The following RNF38 variants were observed in gnomAD, a reference collection of about 807,000 sequenced individuals.
The protein encoded by RNF38 is E3 ubiquitin-protein ligase RNF38.
RNF38 carries 15 observed loss-of-function variants against 67.2 expected under a neutral mutation model. The ratio of observed to expected loss-of-function variants is 0.22; its 90% CI spans 0.15 to 0.34. RNF38 has a LOEUF of 0.34. Among genes scored for constraint, RNF38 ranks in the 10% least tolerant of loss-of-function variants. RNF38 has a pLI of 1.00. For missense variants in RNF38, 524 were observed against 639.9 expected, an observed-to-expected ratio of 0.82 and a Z score of 1.95; for synonymous variants, 220 against 218.8, an observed-to-expected ratio of 1.01 and a Z score of -0.05.
At chr9:36,464,705 A>C (rs1839820074) in intron 1 of RNF38, among the ~76,000 whole-genome samples, 1 of 152,234 alleles carries the variant, frequency 6.6e-6, no homozygotes, top group Non-Finnish European at 1.5e-5. Flanking sequence ...CATACACTGT[A>C]TAGCTAAGAA....
intron 2 of RNF38, among the ~76,000 whole-genome samples, chr9:36,378,636 C>T (rs1564023581): frequency 6.6e-6 from 1 of 152,148 alleles, no homozygotes; most frequent in African/African-American, 2.4e-5. Context: ...GAGGCGAATG[C>T]TACAGATACT....
In RNF38 at chr9:36,369,928, G is replaced by A; in HGVS notation, c.361C>T (p.Pro121Ser). ...CTTCTTCCTCTCTGGCGCCTGACAG[G>A]AGGACTGTGATAAATATCAAAAAGA... is the stretch of plus-strand genomic sequence containing the variant. ...NTPARNRRSP[P>S]VRRQRGRRDR... is the part of the protein sequence containing the mutation. Residue 121 changes from proline (P) to serine (S), a missense_variant, in exon 4 of 12, where the codon CCT becomes TCT. Pro to Ser is a moderately conservative substitution (Grantham distance 74). Coordinates refer to ENST00000259605, the MANE Select transcript of RNF38 (RefSeq NM_022781.5). 1.9e-6 allele frequency: 3 copies of A among 1,611,576 alleles called. No individual in the cohort carries two copies. Among genetic ancestry groups the A allele is most frequent in the Non-Finnish European group, 1.7e-6 (2 of 1,179,318 alleles).
At chr9:36,487,448 C>T in exon 1 of RNF38, 1 of 979,138 alleles carries the variant, frequency 1.0e-6, no homozygotes, top group Non-Finnish European at 1.2e-6. Context: ...GCGCGGGGGC[C>T]CAAGCTCGGC....
intron 2 of RNF38, among the ~76,000 whole-genome samples, chr9:36,388,098 T>C (rs1227512569): frequency 2.6e-5 from 4 of 152,078 alleles, no homozygotes; most frequent in Non-Finnish European, 5.9e-5. Context: ...CAGTATAATA[T>C]CAAGGGATAT....
chr9:36,347,711 C>CT (rs1164175309), intron 9 of RNF38, among the ~76,000 whole-genome samples: 2 of 152,152 alleles, frequency 1.3e-5, no homozygotes, highest in Non-Finnish European at 2.9e-5. Context: ...GAAGTTATGC[C>CT]AATTAATAAC....
intron 1 of RNF38, among the ~76,000 whole-genome samples, chr9:36,478,400 T>A (rs1840173248): frequency 4.0e-5 from 3 of 74,274 alleles, no homozygotes; most frequent in African/African-American, 5.8e-5. Flanking sequence ...CGAGACTCCG[T>A]CTCAAAAAAA....
intron 2 of RNF38, among the ~76,000 whole-genome samples, chr9:36,378,764 T>C (rs1835975829): frequency 6.6e-6 from 1 of 152,202 alleles, no homozygotes; most frequent in Non-Finnish European, 1.5e-5. Flanking sequence ...GCAAAGCTTT[T>C]AAAAGTAGAG....
chr9:36,365,308 T>C (rs558123477), intron 4 of RNF38, among the ~76,000 whole-genome samples: 32 of 152,304 alleles, frequency 2.1e-4, no homozygotes, highest in African/African-American at 7.5e-4. Context: ...GGCTCACACC[T>C]GTAATCCCAG....
rs190663096 is a variant in RNF38 at position 36,416,872 on chromosome 9, C to T, written n.312+7741G>A. Among the ~76,000 whole-genome samples the T allele has an allele frequency of 2.5e-3, 381 of 150,388 alleles. 2 individuals carry two copies. Among genetic ancestry groups the T allele is most frequent in the Non-Finnish European group, 4.7e-3 (316 of 67,760 alleles). On this transcript the variant is annotated intron_variant and non_coding_transcript_variant, in intron 2 of 3. Transcript: ENST00000488058. ...GGTTAAAGCGATTCTCCTGCCTCAG[C>T]TGCCTAAGTAGCTGGGATTACAGGC...
intron 2 of RNF38, among the ~76,000 whole-genome samples, chr9:36,412,505 C>G (rs1049827266): frequency 6.6e-6 from 1 of 152,216 alleles, no homozygotes; most frequent in African/African-American, 2.4e-5. Context: ...ACTGTAATCC[C>G]CAGTGTTGCA....
At chr9:36,478,720 G>A (rs1290358895) in intron 1 of RNF38, among the ~76,000 whole-genome samples, 1 of 151,058 alleles carries the variant, frequency 6.6e-6, no homozygotes. Flanking sequence ...GGGAGGCTAA[G>A]GCAGGAGAAT....
At chr9:36,475,284 ACT>A (rs1840097782) in intron 1 of RNF38, among the ~76,000 whole-genome samples, 1 of 152,114 alleles carries the variant, frequency 6.6e-6, no homozygotes, top group Admixed American at 6.6e-5. Context: ...TGAAATCCTC[ACT>A]GTGTCTAGTA....
At chr9:36,400,062 A>G (rs189609217) in intron 1 of RNF38, 35 bp downstream of exon 1, 76 of 1,595,600 alleles carry the variant, frequency 4.8e-5, no homozygotes, top group Non-Finnish European at 6.1e-5. Context: ...ATAATAGCAT[A>G]TATCATTTTT....
Position 36,369,752 on chromosome 9 carries a change from C to A in RNF38, c.537G>T (p.Gln179His). 1 of 1,613,774 alleles carries A rather than the reference C, an allele frequency of 6.2e-7. No individual in the cohort carries two copies. Among genetic ancestry groups the A allele is most frequent in the Non-Finnish European group, 8.5e-7 (1 of 1,179,896 alleles). The part of the protein sequence containing the change: ...RLLHPAAHPP[Q>H]QNAVMVDIHD... ...GTATGTCAACCATGACTGCATTCTG[C>A]TGGGGTGGATGAGCAGCAGGATGTA... Residue 179 changes from glutamine (Q) to histidine (H), a missense_variant, in exon 4 of 12, where the codon CAG becomes CAT. Transcript: ENST00000259605.
At chr9:36,437,106 GCCAGCCCTTT>G (rs1368947190) in intron 1 of RNF38, among the ~76,000 whole-genome samples, 10 of 152,330 alleles carry the variant, frequency 6.6e-5, no homozygotes, top group Non-Finnish European at 1.2e-4. Flanking sequence ...GTGGCAGGCG[GCCAGCCCTTT>G]CCAGCCCTTT....
intron 4 of RNF38, among the ~76,000 whole-genome samples, chr9:36,362,165 T>C (rs976713897): frequency 1.3e-5 from 2 of 152,128 alleles, no homozygotes; most frequent in Non-Finnish European, 2.9e-5. Context: ...GAGACCAGCC[T>C]GGTCAACACA....
chr9:36,446,027 A>G (rs977969216), intron 1 of RNF38, among the ~76,000 whole-genome samples: 1 of 152,034 alleles, frequency 6.6e-6, no homozygotes, highest in African/African-American at 2.4e-5. Context: ...CCGCCTCTTA[A>G]ACAAAGTTTT....
chr9:36,374,267 T>C (rs1221557835), intron 3 of RNF38, among the ~76,000 whole-genome samples: 1 of 152,242 alleles, frequency 6.6e-6, no homozygotes, highest in Non-Finnish European at 1.5e-5. Flanking sequence ...ATGCTGGTTT[T>C]AAGATCCCTT....
intron 3 of RNF38, among the ~76,000 whole-genome samples, chr9:36,372,869 TAC>T (rs1835489017): frequency 6.6e-6 from 1 of 152,144 alleles, no homozygotes; most frequent in South Asian, 2.1e-4. Flanking sequence ...TTTGCACATG[TAC>T]ACAGAGAAAT....
Sources: gnomAD v4.1 joint callset for allele counts (sites outside exome capture counted in the v4.1 genomes callset) on GRCh38, gnomAD v4.1.1 for gene constraint, MANE v1.5 for transcripts, NCBI Gene and HGNC (gene_info 2026-07-23, HGNC 2026-07-21) for gene names.